Variants in CDH4 observed in about 807,000 individuals in gnomAD.
CDH4 encodes the protein cadherin-4.
CDH4 carries 33 observed loss-of-function variants against 86.0 expected under a neutral mutation model. The observed-to-expected ratio is 0.38, with a 90% CI of 0.29 to 0.51. The LOEUF is 0.51. Among genes scored for constraint, CDH4 ranks in the 20% least tolerant of loss-of-function variants. The pLI is 0.86. For missense variants in CDH4, 1,114 were observed against 1,307.4 expected (o/e 0.85, Z 2.28); for synonymous variants, 555 against 549.4 (o/e 1.01, Z -0.14).
chr20:61,349,722 C>G (rs960837296), intron 2 of CDH4, among the ~76,000 whole-genome samples: 1 of 152,186 alleles, frequency 6.6e-6, no homozygotes, highest in Non-Finnish European at 1.5e-5. Context: ...CACAGTCCCT[C>G]GTGGAGACGG....
At chr20:61,718,507 G>T (rs16985493) in intron 2 of CDH4, 2 of 317,370 alleles carry the variant, frequency 6.3e-6, no homozygotes, top group Non-Finnish European at 1.2e-5. Flanking sequence ...GGACAGTGCC[G>T]TCCCATATCC....
chr20:61,926,939 C>T (rs979741672), intron 11 of CDH4, among the ~76,000 whole-genome samples: 3 of 152,138 alleles, frequency 2.0e-5, no homozygotes, highest in East Asian at 1.9e-4. Context: ...GTCCATCGCA[C>T]GTGGCAGACG....
chr20:61,931,323 C>A (rs2055106317), intron 13 of CDH4, among the ~76,000 whole-genome samples: 1 of 152,242 alleles, frequency 6.6e-6, no homozygotes, highest in Non-Finnish European at 1.5e-5. Flanking sequence ...CTTCCCTCTC[C>A]ACGATCTGGG....
Position 61,527,021 on chromosome 20 carries a change from G to A in CDH4, c.170-216542G>A, listed in dbSNP as rs1245685035. ...GGGAGCCCCGCACCGGGACCTTCCCGACGGGGCTCCATTGGCCTCCGTGGT... is the reference window on the plus strand; with the variant it reads ...GGGAGCCCCGCACCGGGACCTTCCCAACGGGGCTCCATTGGCCTCCGTGGT... On this transcript the variant is annotated intron_variant, in intron 2 of 15. Transcript: ENST00000614565. Among the ~76,000 whole-genome samples, 6 of 152,228 alleles carry A rather than the reference G, an allele frequency of 3.9e-5. No homozygotes were observed. The South Asian group carries it at 8.3e-4, about 21-fold the overall frequency.
intron 4 of CDH4, among the ~76,000 whole-genome samples, chr20:61,793,939 G>T (rs113403806): frequency 1.3e-5 from 2 of 148,640 alleles, no homozygotes; most frequent in Admixed American, 1.4e-4. Context: ...GAGATAGAGA[G>T]CATCCTGACT....
chr20:61,893,329 TTGGG>T (rs1462731697), intron 7 of CDH4, among the ~76,000 whole-genome samples: 2 of 17,604 alleles, frequency 1.1e-4, no homozygotes, highest in Non-Finnish European at 2.3e-4. Flanking sequence ...GTGATGGTGG[TTGGG>T]TGGGTGGGTG....
At chr20:61,477,275 C>A (rs1474549371) in intron 2 of CDH4, among the ~76,000 whole-genome samples, 2 of 152,202 alleles carry the variant, frequency 1.3e-5, no homozygotes, top group African/African-American at 4.8e-5. Flanking sequence ...TGCAAGGGGG[C>A]AGCAAGAAGC....
Position 61,690,540 on chromosome 20 carries a change from A to G in CDH4, c.170-53023A>G, listed in dbSNP as rs528775808. Among the ~76,000 whole-genome samples, 31 of 152,266 alleles carry G rather than the reference A, an allele frequency of 2.0e-4. No individual in the cohort carries two copies. In the South Asian group the frequency reaches 5.6e-3, roughly 28 times the overall value. On this transcript the variant is annotated intron_variant, in intron 2 of 15. Transcript: ENST00000614565. Reference sequence around the variant, plus strand: ...GCTGCCCACTTAGTGTCCCCGCCCAAGCATTCACTGTCTTTACTGAAGAGC... The same window carrying G: ...GCTGCCCACTTAGTGTCCCCGCCCAGGCATTCACTGTCTTTACTGAAGAGC...
intron 2 of CDH4, among the ~76,000 whole-genome samples, chr20:61,424,882 C>T (rs1235293022): frequency 1.8e-5 from 2 of 110,614 alleles, no homozygotes; most frequent in African/African-American, 5.8e-5. Flanking sequence ...CAGTGCCCCA[C>T]ATGCTCTTGA....
intron 3 of CDH4, among the ~76,000 whole-genome samples, chr20:61,761,844 C>A (rs900413100): frequency 1.3e-5 from 2 of 149,114 alleles, no homozygotes; most frequent in East Asian, 1.9e-4. Flanking sequence ...AGACAGAGCA[C>A]CTTTCCTCTC....
intron 2 of CDH4, among the ~76,000 whole-genome samples, chr20:61,584,652 T>C (rs924802572): frequency 2.0e-5 from 3 of 152,086 alleles, no homozygotes; most frequent in Non-Finnish European, 2.9e-5. Context: ...AAAACAATGA[T>C]AAAATATAAC....
Position 61,410,460 on chromosome 20 carries a change from TCC to T in CDH4, c.169+155524_169+155525del, listed in dbSNP as rs2085111995. 6.2e-5 allele frequency among the ~76,000 whole-genome samples: 8 copies of T among 128,728 alleles called. No homozygotes were observed. In the East Asian group the frequency reaches 2.1e-3, roughly 34 times the overall value. The allele number at this position is 128,728 out of a possible 152,430, so 84.5% of individuals were successfully genotyped here. On this transcript the variant is annotated intron_variant, in intron 2 of 15. Transcript: ENST00000614565. ...ACTGGTCCATCCATCCATCCATCCA[TCC>T]ATCCATCCTCTCACTTGTTAGTCCA...
rs1392943327 is a variant in CDH4 at position 61,936,470 on chromosome 20, G to T, written c.2545-267G>T. Among the ~76,000 whole-genome samples the T allele has an allele frequency of 4.8e-5, 6 of 125,868 alleles. No homozygotes were observed. In the Admixed American group the frequency reaches 4.9e-4, roughly 10 times the overall value. The allele number at this position is 125,868 out of a possible 152,430, so 82.6% of individuals were successfully genotyped here. A position where few individuals can be genotyped will look rare whatever the true frequency, so the allele number is the denominator to read the frequency against. ...GGGAGGAGCTGAACTCCAGCCACGG[G>T]CCCTGCCCAACCCTCCGCCTCCCCT... On this transcript the variant is annotated intron_variant, in intron 15 of 15. Transcript: ENST00000614565.
chr20:61,794,347 G>A (rs922327499), intron 4 of CDH4, among the ~76,000 whole-genome samples: 1 of 152,096 alleles, frequency 6.6e-6, no homozygotes, highest in Non-Finnish European at 1.5e-5. Context: ...ACCCGCCTGG[G>A]GGCAGCTGGA....
At chr20:61,762,499 G>A (rs781424265) in intron 3 of CDH4, among the ~76,000 whole-genome samples, 7 of 152,244 alleles carry the variant, frequency 4.6e-5, no homozygotes, top group Non-Finnish European at 1.0e-4. Flanking sequence ...TCACAGGGGT[G>A]TGTGGAGCAG....
chr20:61,835,036 A>G (rs1053474136), intron 4 of CDH4, among the ~76,000 whole-genome samples: 10 of 152,206 alleles, frequency 6.6e-5, no homozygotes, highest in Admixed American at 2.6e-4. Flanking sequence ...CGAGACAGAA[A>G]GAATGCAGGC....
chr20:61,691,524 T>C (rs1283807914), intron 2 of CDH4, among the ~76,000 whole-genome samples: 1 of 152,196 alleles, frequency 6.6e-6, no homozygotes, highest in Non-Finnish European at 1.5e-5. Context: ...ACAGTCACAC[T>C]TCACTTAATG....
At position 61,443,414 on chromosome 20, in the gene CDH4, G is replaced by A. The variant is rs199813861; in HGVS notation, c.169+188477G>A. 9.2e-5 allele frequency among the ~76,000 whole-genome samples: 14 copies of A among 152,172 alleles called. No individual in the cohort carries two copies. In the East Asian group the frequency reaches 1.2e-3, roughly 13 times the overall value. ...TAATAAATGGCAGGTTGTCAGTACC[G>A]GCAGTGAAGACACTTCAAGGAGCCA... On this transcript the variant is annotated intron_variant, in intron 2 of 15. Coordinates refer to ENST00000614565, the MANE Select transcript of CDH4 (RefSeq NM_001794.5).
intron 2 of CDH4, among the ~76,000 whole-genome samples, chr20:61,323,886 A>C (rs964126525): frequency 6.6e-6 from 1 of 152,144 alleles, no homozygotes; most frequent in Non-Finnish European, 1.5e-5. Flanking sequence ...GTATGATCCT[A>C]AGAGTGGAAG....
Sources: allele counts gnomAD v4.1 joint callset (sites outside exome capture counted in the v4.1 genomes callset), GRCh38; gene constraint gnomAD v4.1.1; transcripts MANE v1.5; gene names NCBI Gene and HGNC (gene_info 2026-07-23, HGNC 2026-07-21).